FHOD1: variants seen among roughly 807,000 people sequenced by gnomAD.
FHOD1 encodes the protein formin homology 2 domain containing 1.
A neutral mutation model predicts 111.6 loss-of-function variants in FHOD1; 89 were observed. That is an observed-to-expected ratio of 0.80 (90% CI 0.67 to 0.95). The LOEUF is 0.95. Ranked by LOEUF, FHOD1 falls within the 40% of genes least tolerant of loss-of-function variation. The probability of loss-of-function intolerance (pLI) is 0.00; values close to 1 mark genes in which losing one functional copy is unlikely to be tolerated. For synonymous variants in FHOD1, 618 were observed against 639.0 expected (o/e 0.97, Z 0.50); for missense variants, 1,446 against 1,554.2 (o/e 0.93, Z 1.17).
intron 1 of FHOD1, among the ~76,000 whole-genome samples, chr16:67,245,393 A>G (rs552613146): frequency 6.6e-6 from 1 of 152,056 alleles, no homozygotes; most frequent in Admixed American, 6.5e-5. Flanking sequence ...AGATAGAAGG[A>G]GTGGTTCTGA....
intron 1 of FHOD1, 36 bp downstream of exon 1, chr16:67,247,174 C>A (rs1210256173): frequency 6.7e-7 from 1 of 1,492,376 alleles, no homozygotes; most frequent in Non-Finnish European, 8.9e-7. Context: ...CACCCTGAAC[C>A]CCCGATCGCC....
intron 13 of FHOD1, 51 bp downstream of exon 13, chr16:67,233,606 C>T (rs761533626): frequency 6.5e-7 from 1 of 1,529,374 alleles, no homozygotes; most frequent in Non-Finnish European, 8.8e-7. Flanking sequence ...TCCTTAAGCT[C>T]TGATTCCCTC....
chr16:67,236,990 C>A lies in FHOD1; in HGVS notation c.1118G>T (p.Cys373Phe), dbSNP rs1226200266. Residue 373 changes from cysteine to phenylalanine, a missense_variant, in exon 10 of 22, where the codon TGC becomes TTC. By Grantham distance (205) the Cys-to-Phe change is radical. Coordinates refer to ENST00000258201, the MANE Select transcript of FHOD1 (RefSeq NM_013241.3). The stretch of plus-strand genomic sequence containing the variant: ...CCCAGGTTCCGGGGCACGCGCGGGG[C>A]AGCCCCCGCCTTCCAGAGAACGGCG... ...RSRRSLEGGG[C>F]PARAPEPGPT... The A allele has an allele frequency of 6.2e-7, 1 of 1,602,438 alleles. No individual in the cohort carries two copies. Among genetic ancestry groups the A allele is most frequent in the South Asian group, 1.1e-5 (1 of 89,798 alleles).
At chr16:67,232,294 G>T in intron 13 of FHOD1, 100 bp from the exon 14 acceptor site, 1 of 1,167,266 alleles carries the variant, frequency 8.6e-7, no homozygotes, top group Non-Finnish European at 1.2e-6. Flanking sequence ...AAGGCGGGTG[G>T]ACCACGAGGT....
intron 1 of FHOD1, 196 bp downstream of exon 1, chr16:67,247,014 C>G: frequency 1.6e-6 from 1 of 610,450 alleles, no homozygotes; most frequent in Non-Finnish European, 2.7e-6. Context: ...GTTCCTGGCA[C>G]CCCTCTTCAG....
At chr16:67,236,478 C>T in intron 11 of FHOD1, 79 bp downstream of exon 11, 1 of 1,560,472 alleles carries the variant, frequency 6.4e-7, no homozygotes, top group Non-Finnish European at 8.7e-7. Context: ...GCAGAGGAGG[C>T]TGAGTGCCCA....
chr16:67,230,985 G>C, intron 17 of FHOD1, 194 bp from the exon 18 acceptor site: 1 of 851,672 alleles, frequency 1.2e-6, no homozygotes, highest in African/African-American at 1.7e-5. Context: ...GGAAGTGGCA[G>C]TTAAACAGAC....
In FHOD1 at chr16:67,231,976, A is replaced by G; in HGVS notation, c.2202+63T>C. The stretch of plus-strand genomic sequence containing the variant: ...ATGCCCACCACCAGAGGGACAGGAA[A>G]TGCCCACCTACCAAAGGAGAAGGCC... On this transcript the variant is annotated intron_variant, in intron 14 of 21. Coordinates refer to ENST00000258201, the MANE Select transcript of FHOD1 (RefSeq NM_013241.3). The surrounding 1 kb of genome is among the most constrained non-coding windows in gnomAD (Gnocchi z 4.3). 6.3e-7 allele frequency: 1 copy of G among 1,594,810 alleles called. No homozygotes were observed. The highest frequency in any genetic ancestry group is 8.6e-7 in the Non-Finnish European group (1 of 1,168,498).
intron 13 of FHOD1, among the ~76,000 whole-genome samples, chr16:67,233,338 G>A (rs868574727): frequency 3.3e-5 from 5 of 151,802 alleles, no homozygotes; most frequent in South Asian, 2.1e-4. Flanking sequence ...CACCTGCCTC[G>A]GCCTCCCAAG....
At chr16:67,247,164 C>G in intron 1 of FHOD1, 46 bp downstream of exon 1, 1 of 1,474,488 alleles carries the variant, frequency 6.8e-7, no homozygotes, top group Non-Finnish European at 9.0e-7. Context: ...TCATGGCGCC[C>G]ACCCTGAACC....
Position 67,229,475 on chromosome 16 carries a change from T to TAC in FHOD1, c.*159_*160dup, listed in dbSNP as rs71659690. On this transcript the variant is annotated 3_prime_UTR_variant, in exon 22 of 22. Transcript: ENST00000258201. Reference sequence around the variant, plus strand: ...ATGCATATGCATGCACACACACACATACACACACACTCACATGCATACACA... The same window carrying TAC: ...ATGCATATGCATGCACACACACACATACACACACACACTCACATGCATACACA... 6.0e-6 allele frequency: 4 copies of TAC among 669,478 alleles called. No individual in the cohort carries two copies. The highest frequency in any genetic ancestry group is 2.5e-5 in the Admixed American group (1 of 39,940). 41.5% of individuals were successfully genotyped at this position (669,478 alleles called of 1,614,324 possible).
At chr16:67,247,110 A>G in intron 1 of FHOD1, 100 bp downstream of exon 1, 1 of 1,319,420 alleles carries the variant, frequency 7.6e-7, no homozygotes, top group South Asian at 1.5e-5. Flanking sequence ...CCGGAGAAGA[A>G]CACTCGCTCC....
rs752389945 is a variant in FHOD1 at position 67,229,628 on chromosome 16, C to T, written c.*8G>A. ...AGGGTCCAGATAGATTTCCGGGATA[C>T]AGCACCTTCACACCTCCAGGCCAGG... On this transcript the variant is annotated 3_prime_UTR_variant, in exon 22 of 22. Transcript: ENST00000258201. The T allele has an allele frequency of 6.2e-7, 1 of 1,613,144 alleles. No homozygotes were observed.
chr16:67,245,648 G>A (rs1013195961), intron 1 of FHOD1, among the ~76,000 whole-genome samples: 5 of 152,062 alleles, frequency 3.3e-5, no homozygotes, highest in Non-Finnish European at 7.4e-5. Context: ...GGAAGGCTGA[G>A]GCACGAGAAT....
Position 67,237,368 on chromosome 16 carries a change from G to C in FHOD1, c.864C>G (p.Leu288=), listed in dbSNP as rs766303092. ...VTLINKTLAA[L]PDQDSFYDVT... Reference sequence around the variant, plus strand: ...CATCGTAGAAGGAGTCCTGGTCCGGGAGCGCCGCCAGCGTCTGGAGGGCGG... The same window carrying C: ...CATCGTAGAAGGAGTCCTGGTCCGGCAGCGCCGCCAGCGTCTGGAGGGCGG... Residue 288 remains leucine, a synonymous_variant, in exon 9 of 22, where the codon CTC becomes CTG. Transcript: ENST00000258201. The surrounding 1 kb of genome is among the most constrained non-coding windows in gnomAD (Gnocchi z 5.6). 5 of 1,613,924 alleles carry C rather than the reference G, an allele frequency of 3.1e-6. No individual in the cohort carries two copies. In the Admixed American group the frequency reaches 8.3e-5, roughly 27 times the overall value.
chr16:67,234,432 T>G lies in FHOD1; in HGVS notation c.1360A>C (p.Lys454Gln), dbSNP rs775216754. The G allele has an allele frequency of 2.5e-6, 4 of 1,607,596 alleles. No individual in the cohort carries two copies. The highest frequency in any genetic ancestry group is 3.4e-6 in the Non-Finnish European group (4 of 1,178,706). ...LENVAAAETE[K>Q]QVALAQGRAE... The stretch of plus-strand genomic sequence containing the variant: ...CGGCCCTGGGCCAGCGCAACCTGCT[T>G]CTCTGTTTCTGCTGCCGCCACATTC... Residue 454 changes from lysine to glutamine, a missense_variant, in exon 12 of 22, where the codon AAG becomes CAG. Physicochemically the swap from Lys to Gln is moderately conservative, Grantham distance 53. Around this residue, in one of 3 missense-constraint regions of FHOD1, gnomAD observed 1,085 missense variants for 1,108.8 expected, o/e 0.98. Coordinates refer to ENST00000258201, the MANE Select transcript of FHOD1 (RefSeq NM_013241.3).
chr16:67,232,230 G>A (rs2034307102), intron 13 of FHOD1, 36 bp from the exon 14 acceptor site: 1 of 1,610,798 alleles, frequency 6.2e-7, no homozygotes, highest in Non-Finnish European at 8.5e-7. Flanking sequence ...TAAGACTGAG[G>A]AAGGGGGCCT....
chr16:67,238,123 C>T lies in FHOD1; in HGVS notation c.553G>A (p.Gly185Ser), dbSNP rs148338011. ...CCATCCACAAAGAGCATCAGCTGGC[C>T]GAGCGCTGGGGAAACAGGGATGGGC... is the stretch of plus-strand genomic sequence containing the variant. ...NYQSYILRALGQLMLFVDGML... is the reference protein window; with the variant it reads ...NYQSYILRALSQLMLFVDGML... Residue 185 changes from glycine (G) to serine (S), a missense_variant, in exon 6 of 22, where the codon GGC becomes AGC. Around this residue, in one of 3 missense-constraint regions of FHOD1, gnomAD observed 234 missense variants for 327.4 expected, o/e 0.71. Coordinates refer to ENST00000258201, the MANE Select transcript of FHOD1 (RefSeq NM_013241.3). The surrounding 1 kb of genome is among the most constrained non-coding windows in gnomAD (Gnocchi z 4.2). 1.4e-5 allele frequency: 22 copies of T among 1,614,014 alleles called. No homozygotes were observed. The highest frequency in any genetic ancestry group is 1.3e-4 in the African/African-American group (10 of 74,898).
At chr16:67,233,150 G>A (rs991115776) in intron 13 of FHOD1, among the ~76,000 whole-genome samples, 8 of 151,284 alleles carry the variant, frequency 5.3e-5, no homozygotes, top group African/African-American at 1.5e-4. Context: ...GCAATGGTGC[G>A]ATCTCGACTC....
Sources: gnomAD v4.1 joint callset for allele counts (sites outside exome capture counted in the v4.1 genomes callset) on GRCh38, gnomAD v4.1.1 for gene constraint, gnomAD v4.1.1 regional missense constraint, Gnocchi (gnomAD v3.1) non-coding constraint, MANE v1.5 for transcripts, NCBI Gene and HGNC (gene_info 2026-07-23, HGNC 2026-07-21) for gene names.